The following ANKRD31 variants were observed in gnomAD, a reference collection of about 807,000 sequenced individuals.
The protein encoded by ANKRD31 is ankyrin repeat domain 31.
ANKRD31 carries 147 observed loss-of-function variants against 186.0 expected under a neutral mutation model. That is an observed-to-expected ratio of 0.79 (90% confidence interval 0.69 to 0.91). The LOEUF is 0.91. ANKRD31 is among the 40% of genes least tolerant of loss of function. ANKRD31 has a pLI of 0.00. For missense variants in ANKRD31, 1,986 were observed against 2,148.8 expected, an observed-to-expected ratio of 0.92 and a Z score of 1.50; for synonymous variants, 673 against 736.4, an observed-to-expected ratio of 0.91 and a Z score of 1.39.
intron 2 of ANKRD31, 65 bp from the exon 3 acceptor site, chr5:75,222,423 A>T: frequency 8.6e-7 from 1 of 1,163,894 alleles, no homozygotes; most frequent in South Asian, 1.4e-5. Flanking sequence ...ATAATGGCCC[A>T]ATAATTTTAT....
Position 75,080,641 on chromosome 5 carries a change from T to C in ANKRD31, c.5576-2A>G. On this transcript the variant is annotated splice_acceptor_variant, in intron 24 of 25. Transcript: ENST00000506364. LOFTEE classifies it high-confidence loss of function. ...CTGGGTCATCTAAACAAGCAACTTC[T>C]GAAAGTGAAACAAAACGTTAGTAAT... 2 of 1,526,590 alleles carry C rather than the reference T, an allele frequency of 1.3e-6. No homozygotes were observed. The highest frequency in any genetic ancestry group is 1.2e-5 in the South Asian group (1 of 80,692). 94.6% of individuals were successfully genotyped at this position (1,526,590 alleles called of 1,614,324 possible). A position where few individuals can be genotyped will look rare whatever the true frequency, so the allele number is the denominator to read the frequency against.
At chr5:75,203,936 T>C (rs1259650636) in intron 5 of ANKRD31, among the ~76,000 whole-genome samples, 1 of 152,160 alleles carries the variant, frequency 6.6e-6, no homozygotes, top group East Asian at 1.9e-4. Flanking sequence ...GTCTGAATTA[T>C]ATTAGGCCAT....
chr5:75,068,598 CT>C lies in ANKRD31; in HGVS notation c.5713del (p.Ser1905ValfsTer10), dbSNP rs1561386371. Reference sequence around the variant, plus strand: ...GTGGCATGGGAGAAATTCTTGATCACTGATTAATAGTATTTCATTTATTTGT... The same window carrying C: ...GTGGCATGGGAGAAATTCTTGATCACGATTAATAGTATTTCATTTATTTGT... ...YLQINEILLI[S>X]DQEFLPCHIM... On this transcript the variant is annotated frameshift_variant, in exon 26 of 26. Coordinates refer to ENST00000506364, the MANE Select transcript of ANKRD31 (RefSeq NM_001372053.1). LOFTEE classifies it high-confidence loss of function. 1 of 1,525,180 alleles carries C rather than the reference CT, an allele frequency of 6.6e-7. No homozygotes were observed. The highest frequency in any genetic ancestry group is 8.8e-7 in the Non-Finnish European group (1 of 1,141,838). 94.5% of individuals were successfully genotyped at this position (1,525,180 alleles called of 1,614,324 possible). A position where few individuals can be genotyped will look rare whatever the true frequency, so the allele number is the denominator to read the frequency against.
Position 75,093,917 on chromosome 5 carries a change from G to A in ANKRD31, c.5332-2516C>T, listed in dbSNP as rs551994594. 8.5e-5 allele frequency among the ~76,000 whole-genome samples: 13 copies of A among 152,282 alleles called. No individual in the cohort carries two copies. The South Asian group carries it at 2.7e-3, about 32-fold the overall frequency. ...AAATAATAAAGGAATTCTTCAGGTT[G>A]AAAGCCAATGACCCTATAGGCTAAT... On this transcript the variant is annotated intron_variant, in intron 22 of 25. Coordinates refer to ENST00000506364, the MANE Select transcript of ANKRD31 (RefSeq NM_001372053.1).
rs117367270 is a variant in ANKRD31 at position 75,228,998 on chromosome 5, C to A, written c.178+1564G>T. On this transcript the variant is annotated intron_variant, in intron 2 of 25. Transcript: ENST00000506364. ...CATAAATACACAAAAGTTAGAAAAC[C>A]TTCGTGGGTGTTTAGGAATTTTTTT... 5.8e-4 allele frequency among the ~76,000 whole-genome samples: 88 copies of A among 151,802 alleles called. No individual in the cohort carries two copies. In the East Asian group the frequency reaches 0.013, roughly 22 times the overall value.
In ANKRD31 at chr5:75,096,327, T is replaced by C. The variant is rs1252560896; in HGVS notation, c.5332-4926A>G. ...CATGAATGTCTTCTTTTGAGAAGTG[T>C]CCATGTCCTTTGCTCACTTTTTAAT... On this transcript the variant is annotated intron_variant, in intron 22 of 25. Coordinates refer to ENST00000506364, the MANE Select transcript of ANKRD31 (RefSeq NM_001372053.1). Among the ~76,000 whole-genome samples, 3 of 152,334 alleles carry C rather than the reference T, an allele frequency of 2.0e-5. No homozygotes were observed. In the East Asian group the frequency reaches 5.8e-4, roughly 29 times the overall value.
rs1192585306 is a variant in ANKRD31 at position 75,236,752 on chromosome 5, C to A, written c.-66G>T. On this transcript the variant is annotated 5_prime_UTR_variant, in exon 1 of 26. Coordinates refer to ENST00000506364, the MANE Select transcript of ANKRD31 (RefSeq NM_001372053.1). ...TCCCTCTTGCCCGCAAACAAAAAAA[C>A]GCTTTGAGGGCCAGGGGAAATTGTG... 4 of 1,236,310 alleles carry A rather than the reference C, an allele frequency of 3.2e-6. No individual in the cohort carries two copies. The highest frequency in any genetic ancestry group is 4.5e-6 in the Non-Finnish European group (4 of 896,966). 76.6% of individuals were successfully genotyped at this position (1,236,310 alleles called of 1,614,324 possible).
intron 10 of ANKRD31, among the ~76,000 whole-genome samples, chr5:75,185,240 G>A (rs1027905131): frequency 6.6e-6 from 1 of 151,958 alleles, no homozygotes; most frequent in Admixed American, 6.6e-5. Context: ...AGGAAGAGAC[G>A]GTCAATGGGT....
intron 17 of ANKRD31, among the ~76,000 whole-genome samples, chr5:75,129,916 C>T (rs768553216): frequency 6.6e-6 from 1 of 152,140 alleles, no homozygotes; most frequent in South Asian, 2.1e-4. Flanking sequence ...CCTGGAAAAT[C>T]GGGACACTCC....
chr5:75,182,135 C>T (rs190555998), intron 10 of ANKRD31, among the ~76,000 whole-genome samples: 2 of 152,070 alleles, frequency 1.3e-5, no homozygotes, highest in East Asian at 3.9e-4. Context: ...TTAAAACTAC[C>T]TATTTTTAAA....
In ANKRD31 at chr5:75,104,981, A is replaced by G; in HGVS notation, c.4578T>C (p.His1526=). The G allele has an allele frequency of 6.5e-7, 1 of 1,536,832 alleles. No homozygotes were observed. Among genetic ancestry groups the G allele is most frequent in the Non-Finnish European group, 8.7e-7 (1 of 1,146,810 alleles). The change falls in exon 22 of 26, where the codon CAT becomes CAC. Residue 1526 remains histidine (H), a synonymous_variant. Coordinates refer to ENST00000506364, the MANE Select transcript of ANKRD31 (RefSeq NM_001372053.1). ...QELTSLENLE[H]PQSGSLSPVS... ...CAGGAGAAAGTGAACCTGATTGGGG[A>G]TGCTCTAAATTTTCCAGACTAGTGA...
chr5:75,194,318 A>T (rs901767014), intron 7 of ANKRD31, among the ~76,000 whole-genome samples: 2 of 152,072 alleles, frequency 1.3e-5, no homozygotes, highest in African/African-American at 4.8e-5. Flanking sequence ...CTAAATTCAT[A>T]TTCACTGTAT....
intron 12 of ANKRD31, among the ~76,000 whole-genome samples, chr5:75,152,088 A>C (rs1751880036): frequency 6.6e-6 from 1 of 152,012 alleles, no homozygotes; most frequent in Non-Finnish European, 1.5e-5. Context: ...CAGCTCTCTG[A>C]AGAGAGATAC....
intron 11 of ANKRD31, among the ~76,000 whole-genome samples, chr5:75,160,268 C>A (rs1752483197): frequency 6.6e-6 from 1 of 151,870 alleles, no homozygotes; most frequent in Non-Finnish European, 1.5e-5. Flanking sequence ...AAAAGGTTAG[C>A]ATAAGAATGA....
At chr5:75,158,914 A>G (rs981996735) in intron 11 of ANKRD31, among the ~76,000 whole-genome samples, 1 of 152,186 alleles carries the variant, frequency 6.6e-6, no homozygotes, top group African/African-American at 2.4e-5. Flanking sequence ...ATATGTGCAA[A>G]AAAACACTCT....
At chr5:75,236,471 C>T (rs1758281681) in intron 1 of ANKRD31, 112 bp downstream of exon 1, 1 of 860,032 alleles carries the variant, frequency 1.2e-6, no homozygotes, top group Admixed American at 2.8e-5. Flanking sequence ...CTGATCCTGC[C>T]CACAAGCACA....
intron 25 of ANKRD31, among the ~76,000 whole-genome samples, chr5:75,080,092 T>G (rs561823196): frequency 6.6e-6 from 1 of 151,836 alleles, no homozygotes; most frequent in East Asian, 1.9e-4. Flanking sequence ...AGCGAGATTC[T>G]GTCTAAAAAA....
chr5:75,201,374 A>C (rs765116627), intron 5 of ANKRD31, among the ~76,000 whole-genome samples: 1 of 152,222 alleles, frequency 6.6e-6, no homozygotes, highest in Non-Finnish European at 1.5e-5. Context: ...TGTGTATCTT[A>C]CTTAACATTT....
chr5:75,078,052 C>G lies in ANKRD31; in HGVS notation c.5647+2516G>C, dbSNP rs982100320. On this transcript the variant is annotated intron_variant, in intron 25 of 25. Transcript: ENST00000506364. ...ACAAATATTTAATTTTCTTCTCTTT[C>G]CTTTCCTGTAGGTAGATATATTATC... is the stretch of plus-strand genomic sequence containing the variant. Among the ~76,000 whole-genome samples the G allele has an allele frequency of 2.0e-5, 3 of 151,860 alleles. No homozygotes were observed. The East Asian group carries it at 5.8e-4, about 29-fold the overall frequency.
Sources: allele counts gnomAD v4.1 joint callset (sites outside exome capture counted in the v4.1 genomes callset), GRCh38; gene constraint gnomAD v4.1.1; transcripts MANE v1.5; gene names NCBI Gene and HGNC (gene_info 2026-07-23, HGNC 2026-07-21).